CNTNAP2: variants seen among roughly 807,000 people sequenced by gnomAD.
CNTNAP2 encodes the protein contactin associated protein 2.
Under a neutral mutation model 155.2 loss-of-function variants are expected in CNTNAP2, and 98 were observed. That is an observed-to-expected ratio of 0.63 (90% CI 0.54 to 0.75). The LOEUF (loss-of-function observed/expected upper bound fraction) is 0.75, where lower values mean the gene tolerates loss of function less well. Ranked by LOEUF, CNTNAP2 falls within the 30% of genes least tolerant of loss-of-function variation. The pLI is 0.00. For synonymous variants in CNTNAP2, 651 were observed against 631.2 expected (o/e 1.03, Z -0.47); for missense variants, 1,727 against 1,688.1 (o/e 1.02, Z -0.40).
intron 1 of CNTNAP2, among the ~76,000 whole-genome samples, chr7:146,613,666 C>T (rs928853543): frequency 7.2e-5 from 11 of 152,066 alleles, no homozygotes; most frequent in Non-Finnish European, 1.0e-4. Flanking sequence ...TTTAAATTAA[C>T]GATTCCAGTG....
intron 3 of CNTNAP2, among the ~76,000 whole-genome samples, chr7:147,030,895 A>G (rs1799019698): frequency 6.6e-6 from 1 of 152,200 alleles, no homozygotes; most frequent in African/African-American, 2.4e-5. Flanking sequence ...AAAAATATAT[A>G]TAATAGATAT....
chr7:148,385,117 C>T (rs1406597), intron 22 of CNTNAP2, among the ~76,000 whole-genome samples: 110,668 of 152,046 alleles, frequency 0.73, 41,179 homozygotes, highest in Admixed American at 0.81. Context: ...TCAGTGCAGC[C>T]ATTGTCATTG....
chr7:148,216,674 A>G (rs1795643578), intron 18 of CNTNAP2, among the ~76,000 whole-genome samples: 1 of 152,130 alleles, frequency 6.6e-6, no homozygotes, highest in South Asian at 2.1e-4. Flanking sequence ...TTTTTCTGGT[A>G]TAATGTAAGT....
At chr7:147,821,995 C>A (rs1373802058) in intron 13 of CNTNAP2, among the ~76,000 whole-genome samples, 1 of 152,056 alleles carries the variant, frequency 6.6e-6, no homozygotes, top group African/African-American at 2.4e-5. Flanking sequence ...AGTTACATCA[C>A]ATAAGCCAAG....
At chr7:146,719,398 A>G (rs1585056621) in intron 1 of CNTNAP2, among the ~76,000 whole-genome samples, 1 of 152,234 alleles carries the variant, frequency 6.6e-6, no homozygotes, top group Admixed American at 6.5e-5. Context: ...TGAGAGAAGT[A>G]TAACAGTAGG....
intron 3 of CNTNAP2, among the ~76,000 whole-genome samples, chr7:146,958,458 G>A (rs1797485779): frequency 7.6e-6 from 1 of 131,452 alleles, no homozygotes; most frequent in African/African-American, 3.0e-5. Context: ...CTGTTGCCCA[G>A]GTTGGAGTGC....
chr7:146,921,652 G>C (rs1796501027), intron 3 of CNTNAP2, among the ~76,000 whole-genome samples: 1 of 152,012 alleles, frequency 6.6e-6, no homozygotes, highest in Non-Finnish European at 1.5e-5. Flanking sequence ...GAACAGTATT[G>C]GGGAAATCAC....
chr7:148,051,943 T>A (rs1247930042), intron 15 of CNTNAP2, among the ~76,000 whole-genome samples: 7 of 152,004 alleles, frequency 4.6e-5, no homozygotes, highest in Non-Finnish European at 7.4e-5. Context: ...ATGGAGACCA[T>A]CCTGGCTAAC....
chr7:146,769,328 C>T (rs1322982304), intron 1 of CNTNAP2, among the ~76,000 whole-genome samples: 1 of 152,106 alleles, frequency 6.6e-6, no homozygotes, highest in East Asian at 1.9e-4. Flanking sequence ...TAAATTTCTC[C>T]AGGGATTTGA....
chr7:147,648,803 C>T (rs1483160900), intron 13 of CNTNAP2, among the ~76,000 whole-genome samples: 1 of 152,080 alleles, frequency 6.6e-6, no homozygotes, highest in Non-Finnish European at 1.5e-5. Context: ...ACAGCCAAAC[C>T]ATATCAGCCA....
At chr7:147,720,695 A>G (rs1796553203) in intron 13 of CNTNAP2, among the ~76,000 whole-genome samples, 3 of 152,040 alleles carry the variant, frequency 2.0e-5, no homozygotes, top group Admixed American at 1.3e-4. Context: ...CCACTTCACT[A>G]GGCACTTCTC....
chr7:148,254,633 A>G (rs968508185), intron 20 of CNTNAP2, among the ~76,000 whole-genome samples: 17 of 152,140 alleles, frequency 1.1e-4, no homozygotes, highest in Non-Finnish European at 2.4e-4. Context: ...AAAATTAGCC[A>G]GGCTTGGTGG....
intron 11 of CNTNAP2, among the ~76,000 whole-genome samples, chr7:147,498,241 C>T (rs973003151): frequency 4.6e-5 from 7 of 151,848 alleles, no homozygotes; most frequent in African/African-American, 1.7e-4. Flanking sequence ...CAAGGCCAGT[C>T]ATCCCAAAGG....
In CNTNAP2 at chr7:148,201,164, C is replaced by A. The variant is rs147243471; in HGVS notation, c.3011-16124C>A. Among the ~76,000 whole-genome samples, 580 of 152,264 alleles carry A rather than the reference C, an allele frequency of 3.8e-3. 6 individuals are homozygous for A. The highest frequency in any genetic ancestry group is 0.013 in the African/African-American group (555 of 41,560). ...CTCAGAATAAAAATAATTACAGAAGCAAAATGTCATTTGGAAAGGGTGTGT... is the reference window on the plus strand; with the variant it reads ...CTCAGAATAAAAATAATTACAGAAGAAAAATGTCATTTGGAAAGGGTGTGT... On this transcript the variant is annotated intron_variant, in intron 18 of 23. Transcript: ENST00000361727.
At chr7:147,194,095 C>G (rs1802735606) in intron 8 of CNTNAP2, among the ~76,000 whole-genome samples, 1 of 151,856 alleles carries the variant, frequency 6.6e-6, no homozygotes, top group African/African-American at 2.4e-5. Flanking sequence ...CCCCACCCCC[C>G]AACAGGCCCT....
chr7:147,629,406 A>AAT (rs1795043606), intron 12 of CNTNAP2, among the ~76,000 whole-genome samples: 1 of 140,958 alleles, frequency 7.1e-6, no homozygotes, highest in African/African-American at 2.6e-5. Flanking sequence ...TCTGTCTCAA[A>AAT]AATAATAATA....
intron 3 of CNTNAP2, among the ~76,000 whole-genome samples, chr7:146,988,873 TCTGCATCTG>T (rs1158273537): frequency 1.3e-5 from 2 of 152,172 alleles, no homozygotes; most frequent in Non-Finnish European, 2.9e-5. Flanking sequence ...AATGACAACA[TCTGCATCTG>T]TTGTGAACTT....
At chr7:147,268,140 G>A (rs921029091) in intron 8 of CNTNAP2, among the ~76,000 whole-genome samples, 1 of 152,084 alleles carries the variant, frequency 6.6e-6, no homozygotes, top group African/African-American at 2.4e-5. Flanking sequence ...TATAAATGGT[G>A]TTTAATGCTA....
At chr7:147,984,349 T>C (rs1223247361) in intron 15 of CNTNAP2, among the ~76,000 whole-genome samples, 2 of 152,226 alleles carry the variant, frequency 1.3e-5, no homozygotes, top group African/African-American at 4.8e-5. Flanking sequence ...TTAGCCTTAT[T>C]TCGAGATGGA....
Sources: gnomAD v4.1 joint callset for allele counts (sites outside exome capture counted in the v4.1 genomes callset) on GRCh38, gnomAD v4.1.1 for gene constraint, MANE v1.5 for transcripts, NCBI Gene and HGNC (gene_info 2026-07-23, HGNC 2026-07-21) for gene names.